Variants in B4GALT5 observed in about 807,000 individuals in gnomAD.
The protein encoded by B4GALT5 is beta-1,4-galactosyltransferase 5.
In B4GALT5, 11 loss-of-function variants were observed where a neutral mutation model predicts 45.0. The ratio of observed to expected loss-of-function variants is 0.24; its 90% CI spans 0.15 to 0.40. The LOEUF (loss-of-function observed/expected upper bound fraction) is 0.40, where lower values mean the gene tolerates loss of function less well. B4GALT5 is among the 10% of genes least tolerant of loss of function. The pLI is 1.00. For missense variants in B4GALT5, 337 were observed against 500.2 expected (o/e 0.67, Z 3.11); for synonymous variants, 185 against 182.9 (o/e 1.01, Z -0.09).
chr20:49,713,542 C>T (rs1179153523), intron 1 of B4GALT5, 34 bp downstream of exon 1: 5 of 1,541,760 alleles, frequency 3.2e-6, no homozygotes, highest in African/African-American at 1.4e-5. Context: ...AAGGCCAGAG[C>T]GGCAGCCGCC....
In B4GALT5 at chr20:49,677,734, T is replaced by TTTGA. The variant is rs558771877; in HGVS notation, c.116-21036_116-21033dup. Among the ~76,000 whole-genome samples, 871 of 152,244 alleles carry TTTGA rather than the reference T, an allele frequency of 5.7e-3. 19 individuals are homozygous for TTTGA. In the South Asian group the frequency reaches 0.079, roughly 14 times the overall value. On this transcript the variant is annotated intron_variant, in intron 1 of 8. Transcript: ENST00000371711. ...ATTTGGCTGTGAGAGGTGAAATATCTTTGATTGATTGATTGATTGATTGAT... is the reference window on the plus strand; with the variant it reads ...ATTTGGCTGTGAGAGGTGAAATATCTTTGATTGATTGATTGATTGATTGATTGAT...
intron 1 of B4GALT5, among the ~76,000 whole-genome samples, chr20:49,712,734 A>G (rs919111295): frequency 6.7e-6 from 1 of 148,380 alleles, no homozygotes; most frequent in Non-Finnish European, 1.5e-5. Flanking sequence ...GAACACAGAC[A>G]GCACCCCTTC....
At position 49,644,147 on chromosome 20, in the gene B4GALT5, G is replaced by A. The variant is rs149831261; in HGVS notation, c.365-497C>T. 1.4e-4 allele frequency among the ~76,000 whole-genome samples: 21 copies of A among 151,956 alleles called. No homozygotes were observed. In the East Asian group the frequency reaches 3.1e-3, roughly 22 times the overall value. On this transcript the variant is annotated intron_variant, in intron 3 of 8. Coordinates refer to ENST00000371711, the MANE Select transcript of B4GALT5 (RefSeq NM_004776.4). ...TCACCTTGTTGGCCAGGCTGGTCTC[G>A]AACTCCTGACCTCAAGGGATCCACC...
chr20:49,663,365 G>T (rs753567142), intron 1 of B4GALT5, among the ~76,000 whole-genome samples: 1 of 151,340 alleles, frequency 6.6e-6, no homozygotes, highest in African/African-American at 2.4e-5. Context: ...AATAAGGTGA[G>T]CAAAACCCAT....
intron 1 of B4GALT5, among the ~76,000 whole-genome samples, chr20:49,663,716 T>C (rs1177617805): frequency 2.5e-5 from 3 of 120,620 alleles, no homozygotes; most frequent in African/African-American, 9.1e-5. Flanking sequence ...TATATATATA[T>C]ATATATATAT....
chr20:49,635,671 A>G lies in B4GALT5; in HGVS notation c.*641T>C, dbSNP rs2085549434. On this transcript the variant is annotated 3_prime_UTR_variant, in exon 9 of 9. Coordinates refer to ENST00000371711, the MANE Select transcript of B4GALT5 (RefSeq NM_004776.4). ...AGCCAGCTAGAAAATTAAATTTTAAAAAGGCATTTTACATGGCTTATTTAC... is the reference window on the plus strand; with the variant it reads ...AGCCAGCTAGAAAATTAAATTTTAAGAAGGCATTTTACATGGCTTATTTAC... The G allele has an allele frequency of 6.6e-6, 1 of 152,604 alleles. No individual in the cohort carries two copies. Among genetic ancestry groups the G allele is most frequent in the Non-Finnish European group, 1.5e-5 (1 of 68,038 alleles). 9.5% of individuals were successfully genotyped at this position (152,604 alleles called of 1,614,324 possible). A position where few individuals can be genotyped will look rare whatever the true frequency, so the allele number is the denominator to read the frequency against.
intron 1 of B4GALT5, among the ~76,000 whole-genome samples, chr20:49,712,213 G>C (rs1269389917): frequency 2.0e-5 from 3 of 152,172 alleles, no homozygotes; most frequent in Non-Finnish European, 2.9e-5. Context: ...AGGTACAGTG[G>C]TAAGTGCTTT....
chr20:49,699,674 C>A (rs1431464060), intron 1 of B4GALT5, among the ~76,000 whole-genome samples: 1 of 152,112 alleles, frequency 6.6e-6, no homozygotes, highest in Non-Finnish European at 1.5e-5. Flanking sequence ...AACTTGGGGA[C>A]CCCAAACCCA....
At chr20:49,710,416 T>TG (rs1245808765) in intron 1 of B4GALT5, among the ~76,000 whole-genome samples, 11 of 150,676 alleles carry the variant, frequency 7.3e-5, no homozygotes, top group African/African-American at 2.7e-4. Flanking sequence ...TTTTTTTTTT[T>TG]TTTGTGTGTG....
intron 1 of B4GALT5, among the ~76,000 whole-genome samples, chr20:49,672,581 C>T (rs938900658): frequency 2.6e-5 from 4 of 152,126 alleles, no homozygotes; most frequent in East Asian, 3.8e-4. Context: ...CTTGATCAGA[C>T]ATAAACTTTT....
At chr20:49,695,514 C>T (rs1052522912) in intron 1 of B4GALT5, among the ~76,000 whole-genome samples, 1 of 151,876 alleles carries the variant, frequency 6.6e-6, no homozygotes. Context: ...CGGGTTCAAG[C>T]GATTCTCCTG....
chr20:49,694,437 A>G (rs2085829312), intron 1 of B4GALT5, among the ~76,000 whole-genome samples: 1 of 152,022 alleles, frequency 6.6e-6, no homozygotes, highest in Admixed American at 6.5e-5. Context: ...AGGTCACTTG[A>G]GCCCAGGAAT....
rs754681509 is a variant in B4GALT5, at chr20:49,646,995, G to T, written c.334C>A (p.His112Asn). 1.9e-6 allele frequency: 3 copies of T among 1,613,794 alleles called. No individual in the cohort carries two copies. The highest frequency in any genetic ancestry group is 2.5e-6 in the Non-Finnish European group (3 of 1,179,806). ...LPEDFTYFANHTCPERLPSMK... is the reference protein window; with the variant it reads ...LPEDFTYFANNTCPERLPSMK... ...GAAGGGAGTCTTTCAGGGCAGGTAT[G>T]GTTTGCAAAGTAGGTGAAGTCTTCA... The change falls in exon 3 of 9, where the codon CAT (histidine) becomes AAT (asparagine). Residue 112 changes from histidine (H) to asparagine (N), a missense_variant. By Grantham distance (68) the His-to-Asn change is moderately conservative. Around this residue, in one of 2 missense-constraint regions of B4GALT5, gnomAD observed 174 missense variants for 207.4 expected, o/e 0.84. Coordinates refer to ENST00000371711, the MANE Select transcript of B4GALT5 (RefSeq NM_004776.4).
chr20:49,636,447 C>T lies in B4GALT5; in HGVS notation c.1032G>A (p.Leu344=), dbSNP rs771746634. ...GCCCTTGCCGTTCTTTTGACTTCCTCAGCAGAGCATACCTGTTTAGGGAGG... is the reference window on the plus strand; with the variant it reads ...GCCCTTGCCGTTCTTTTGACTTCCTTAGCAGAGCATACCTGTTTAGGGAGG... ...EVQFLGRYAL[L]RKSKERQGLD... is the part of the protein sequence containing the mutation. The change falls in exon 9 of 9, where the codon CTG becomes CTA. Residue 344 remains leucine (L), a synonymous_variant. Transcript: ENST00000371711. 1.2e-6 allele frequency: 2 copies of T among 1,614,174 alleles called. No individual in the cohort carries two copies. Among genetic ancestry groups the T allele is most frequent in the South Asian group, 2.2e-5 (2 of 91,076 alleles).
intron 1 of B4GALT5, among the ~76,000 whole-genome samples, chr20:49,682,088 C>G (rs1319554425): frequency 6.6e-6 from 1 of 152,036 alleles, no homozygotes; most frequent in Non-Finnish European, 1.5e-5. Flanking sequence ...GGAGCCAGAC[C>G]CTGTCTCAAA....
chr20:49,656,801 TA>T, intron 1 of B4GALT5, 99 bp from the exon 2 acceptor site: 1 of 1,491,528 alleles, frequency 6.7e-7, no homozygotes, highest in East Asian at 2.3e-5. Flanking sequence ...TTTGGACTTT[TA>T]AAGCCTCTTT....
chr20:49,663,691 A>AAAAAAAAAAAAAAAAC (rs752026616), intron 1 of B4GALT5, among the ~76,000 whole-genome samples: 1 of 85,824 alleles, frequency 1.2e-5, no homozygotes, highest in Non-Finnish European at 2.1e-5. Flanking sequence ...AAAAAAAAAA[A>AAAAAAAAAAAAAAAAC]TATATACATA....
chr20:49,673,132 A>G (rs2085722862), intron 1 of B4GALT5, among the ~76,000 whole-genome samples: 2 of 152,222 alleles, frequency 1.3e-5, no homozygotes, highest in Admixed American at 6.5e-5. Flanking sequence ...CTGTAATCCC[A>G]GCACTTTGGG....
chr20:49,676,614 C>A (rs2085738527), intron 1 of B4GALT5, among the ~76,000 whole-genome samples: 2 of 152,220 alleles, frequency 1.3e-5, no homozygotes, highest in South Asian at 2.1e-4. Flanking sequence ...TAAGAAGGCC[C>A]ATTGCTCTTG....
Sources: gnomAD v4.1 joint callset for allele counts (sites outside exome capture counted in the v4.1 genomes callset) on GRCh38, gnomAD v4.1.1 for gene constraint, gnomAD v4.1.1 regional missense constraint, MANE v1.5 for transcripts, NCBI Gene and HGNC (gene_info 2026-07-23, HGNC 2026-07-21) for gene names.